NCALD: variants seen among roughly 807,000 people sequenced by gnomAD.
The protein encoded by NCALD is neurocalcin-delta.
In NCALD, 10 loss-of-function variants were observed where a neutral mutation model predicts 18.6. The observed-to-expected ratio is 0.54, with a 90% confidence interval of 0.33 to 0.91. NCALD has a LOEUF of 0.91. Among genes scored for constraint, NCALD ranks in the 40% least tolerant of loss-of-function variants. The pLI is 0.03. For synonymous variants in NCALD, 88 were observed against 87.4 expected, an observed-to-expected ratio of 1.01 and a Z score of -0.04; for missense variants, 184 against 247.6, an observed-to-expected ratio of 0.74 and a Z score of 1.72.
At chr8:101,825,014 C>T (rs1169729905) in intron 4 of NCALD, among the ~76,000 whole-genome samples, 1 of 152,178 alleles carries the variant, frequency 6.6e-6, no homozygotes, top group Non-Finnish European at 1.5e-5. Context: ...TTTTGTTTCC[C>T]TCTTCTTTCT....
At chr8:102,068,262 C>T (rs894260408) in intron 1 of NCALD, among the ~76,000 whole-genome samples, 1 of 152,168 alleles carries the variant, frequency 6.6e-6, no homozygotes, top group East Asian at 1.9e-4. Flanking sequence ...TCCTTGGCTG[C>T]CCAGTGCACC....
In NCALD at chr8:102,005,731, C is replaced by T. The variant is rs1030256812; in HGVS notation, c.-157+14506G>A. Among the ~76,000 whole-genome samples the T allele has an allele frequency of 3.9e-5, 6 of 152,002 alleles. 1 individual carries two copies. The highest frequency in any genetic ancestry group is 1.5e-4 in the African/African-American group (6 of 41,356). ...GATGACTTCGTGTCCTTTGTAGGGA[C>T]ATGGATGAAGCTGGAAACCATCATT... On this transcript the variant is annotated intron_variant, in intron 2 of 6. Transcript: ENST00000311028.
chr8:102,016,162 G>C (rs148341461), intron 2 of NCALD, among the ~76,000 whole-genome samples: 1 of 152,174 alleles, frequency 6.6e-6, no homozygotes. Context: ...GGAAGGACAA[G>C]AAACTTGCAG....
intron 4 of NCALD, among the ~76,000 whole-genome samples, chr8:101,855,161 GGAA>G (rs1178448328): frequency 6.6e-6 from 1 of 152,126 alleles, no homozygotes; most frequent in South Asian, 2.1e-4. Flanking sequence ...ATCCCTAACA[GGAA>G]GAAGAGTAGT....
intron 1 of NCALD, among the ~76,000 whole-genome samples, chr8:102,090,133 A>G (rs1270961473): frequency 6.6e-6 from 1 of 152,164 alleles, no homozygotes; most frequent in African/African-American, 2.4e-5. Context: ...AATATGAAAT[A>G]GTGTTTGGCT....
At chr8:101,785,332 T>C (rs1308367560) in intron 1 of NCALD, among the ~76,000 whole-genome samples, 2 of 152,218 alleles carry the variant, frequency 1.3e-5, no homozygotes, top group African/African-American at 2.4e-5. Flanking sequence ...GTTCACATTA[T>C]TGAGTACCTA....
chr8:101,828,919 G>T (rs1293788435), intron 4 of NCALD, among the ~76,000 whole-genome samples: 1 of 151,884 alleles, frequency 6.6e-6, no homozygotes, highest in Admixed American at 6.6e-5. Flanking sequence ...TTTGTAGTAT[G>T]GGTGGGTAGG....
chr8:101,760,173 TATTGACAATTTG>T (rs1402998972), intron 1 of NCALD, among the ~76,000 whole-genome samples: 1 of 152,172 alleles, frequency 6.6e-6, no homozygotes, highest in Non-Finnish European at 1.5e-5. Context: ...ACACCTCAGA[TATTGACAATTTG>T]TCACGCCAAG....
At chr8:102,053,453 C>A (rs188259397) in intron 1 of NCALD, among the ~76,000 whole-genome samples, 22 of 152,148 alleles carry the variant, frequency 1.4e-4, no homozygotes, top group African/African-American at 4.1e-4. Context: ...CGCTTGACCA[C>A]GTACCATACA....
chr8:102,071,608 A>C (rs1258252061), intron 1 of NCALD, among the ~76,000 whole-genome samples: 1 of 152,228 alleles, frequency 6.6e-6, no homozygotes, highest in Non-Finnish European at 1.5e-5. Context: ...AATCTGAAGA[A>C]ATCTATCTAT....
intron 1 of NCALD, among the ~76,000 whole-genome samples, chr8:102,119,679 C>T (rs1010095129): frequency 9.2e-5 from 14 of 152,192 alleles, no homozygotes; most frequent in African/African-American, 2.2e-4. Flanking sequence ...AAACAAAATG[C>T]AAGACCACCA....
chr8:102,105,799 C>G (rs1825425077), intron 1 of NCALD, among the ~76,000 whole-genome samples: 1 of 152,094 alleles, frequency 6.6e-6, no homozygotes, highest in South Asian at 2.1e-4. Flanking sequence ...GAGTGACCTG[C>G]TGGGTGCGAC....
intron 1 of NCALD, chr8:102,123,815 C>CACCCGG: frequency 6.6e-6 from 1 of 152,432 alleles, no homozygotes; most frequent in East Asian, 2.0e-4. Flanking sequence ...GGTGCCCCGG[C>CACCCGG]CCCCGGCCCC....
chr8:102,061,767 T>G (rs1198974767), intron 1 of NCALD, among the ~76,000 whole-genome samples: 1 of 152,186 alleles, frequency 6.6e-6, no homozygotes, highest in Admixed American at 6.5e-5. Context: ...CTCGGCAGAA[T>G]TTTCAGCCGT....
intron 4 of NCALD, among the ~76,000 whole-genome samples, chr8:101,847,814 T>C (rs561232730): frequency 2.0e-5 from 3 of 152,248 alleles, no homozygotes; most frequent in Admixed American, 6.5e-5. Context: ...CCTGAGGAGC[T>C]GTTTTGAAAA....
At chr8:102,124,093 C>A (rs1826032715) in intron 1 of NCALD, 1 of 152,264 alleles carries the variant, frequency 6.6e-6, no homozygotes, top group Non-Finnish European at 1.5e-5. Context: ...CCCAGAACCG[C>A]GCGCTCCTCG....
At chr8:102,017,060 C>A (rs999878072) in intron 2 of NCALD, among the ~76,000 whole-genome samples, 2 of 151,918 alleles carry the variant, frequency 1.3e-5, no homozygotes, top group Non-Finnish European at 1.5e-5. Flanking sequence ...GAAATTTTAT[C>A]CAAATTGAAA....
chr8:102,058,997 C>T (rs1281822661), intron 1 of NCALD, among the ~76,000 whole-genome samples: 1 of 152,136 alleles, frequency 6.6e-6, no homozygotes, highest in Admixed American at 6.5e-5. Flanking sequence ...AGGGATTTTC[C>T]CCTAAAGTCT....
chr8:101,901,374 T>C (rs112224659), intron 3 of NCALD, among the ~76,000 whole-genome samples: 7 of 152,168 alleles, frequency 4.6e-5, no homozygotes. Flanking sequence ...ATTGTTGATA[T>C]ACTTGGGCTA....
Sources: gnomAD v4.1 joint callset for allele counts (sites outside exome capture counted in the v4.1 genomes callset) on GRCh38, gnomAD v4.1.1 for gene constraint, MANE v1.5 for transcripts, NCBI Gene and HGNC (gene_info 2026-07-23, HGNC 2026-07-21) for gene names.